TMEM163: variants seen among roughly 807,000 people sequenced by gnomAD.
TMEM163 encodes transmembrane protein 163.
TMEM163 carries 17 observed loss-of-function variants against 29.3 expected under a neutral mutation model. That is an observed-to-expected ratio of 0.58 (90% CI 0.40 to 0.87). The LOEUF is 0.87. TMEM163 is among the 40% of genes least tolerant of loss of function. The probability of loss-of-function intolerance (pLI) is 0.00; values close to 1 mark genes in which losing one functional copy is unlikely to be tolerated. For missense variants in TMEM163, 303 were observed against 381.5 expected (o/e 0.79, Z 1.71); for synonymous variants, 157 against 160.6 (o/e 0.98, Z 0.17).
intron 4 of TMEM163, among the ~76,000 whole-genome samples, chr2:134,508,909 C>T (rs1336535176): frequency 1.3e-5 from 2 of 152,214 alleles, no homozygotes; most frequent in Non-Finnish European, 2.9e-5. Context: ...TCCCTACCCT[C>T]TCCATGGTAA....
intron 2 of TMEM163, among the ~76,000 whole-genome samples, chr2:134,656,437 G>A (rs1215730786): frequency 2.6e-5 from 4 of 151,848 alleles, no homozygotes; most frequent in Non-Finnish European, 4.4e-5. Context: ...ACTGGCCTGC[G>A]CCCACTGTCT....
At chr2:134,504,570 C>A (rs1427198070) in intron 4 of TMEM163, among the ~76,000 whole-genome samples, 1 of 152,104 alleles carries the variant, frequency 6.6e-6, no homozygotes, top group African/African-American at 2.4e-5. Flanking sequence ...ACTTGCCACA[C>A]CCCCAGGGTG....
chr2:134,700,485 A>G (rs1684675605), intron 2 of TMEM163, among the ~76,000 whole-genome samples: 2 of 152,172 alleles, frequency 1.3e-5, no homozygotes, highest in African/African-American at 4.8e-5. Flanking sequence ...TTCACATACT[A>G]TATTTTTCAT....
intron 1 of TMEM163, among the ~76,000 whole-genome samples, chr2:134,716,191 T>C (rs1283225659): frequency 6.6e-6 from 1 of 152,194 alleles, no homozygotes; most frequent in Non-Finnish European, 1.5e-5. Flanking sequence ...AAAATACTTG[T>C]AGGGAGAAGA....
intron 2 of TMEM163, among the ~76,000 whole-genome samples, chr2:134,591,922 AAC>A (rs1491070113): frequency 7.3e-4 from 111 of 151,788 alleles, no homozygotes; most frequent in Admixed American, 1.4e-3. Flanking sequence ...AAAAAAAAAA[AAC>A]AACCTGTAAA....
At chr2:134,574,171 C>A (rs144764627) in intron 2 of TMEM163, among the ~76,000 whole-genome samples, 3 of 152,126 alleles carry the variant, frequency 2.0e-5, no homozygotes, top group African/African-American at 4.8e-5. Flanking sequence ...GGCAACAGAG[C>A]GGGTGCATAC....
intron 2 of TMEM163, among the ~76,000 whole-genome samples, chr2:134,686,422 C>T (rs1684353558): frequency 6.6e-6 from 1 of 152,058 alleles, no homozygotes; most frequent in African/African-American, 2.4e-5. Context: ...GGGGCAGAAC[C>T]CCAGTCAAAA....
chr2:134,542,405 AGCTTCGTACGGCT>A (rs1368707015), intron 4 of TMEM163, among the ~76,000 whole-genome samples: 1 of 152,182 alleles, frequency 6.6e-6, no homozygotes, highest in Non-Finnish European at 1.5e-5. Context: ...GGACCACATT[AGCTTCGTACGGCT>A]GCCACAATAC....
At chr2:134,629,266 C>T (rs1682918780) in intron 2 of TMEM163, among the ~76,000 whole-genome samples, 1 of 152,192 alleles carries the variant, frequency 6.6e-6, no homozygotes, top group Non-Finnish European at 1.5e-5. Flanking sequence ...TTAAGCAATG[C>T]ACTATGCTGC....
At chr2:134,598,261 CT>C (rs1410958506) in intron 2 of TMEM163, among the ~76,000 whole-genome samples, 1 of 152,158 alleles carries the variant, frequency 6.6e-6, no homozygotes, top group Non-Finnish European at 1.5e-5. Context: ...ATTTCACCAG[CT>C]TTTAGCCAAG....
chr2:134,614,076 A>G lies in TMEM163; in HGVS notation c.323-61985T>C, dbSNP rs140288447. Among the ~76,000 whole-genome samples the G allele has an allele frequency of 7.2e-5, 11 of 152,330 alleles. No individual in the cohort carries two copies. In the East Asian group the frequency reaches 1.9e-3, roughly 27 times the overall value. On this transcript the variant is annotated intron_variant, in intron 2 of 7. Transcript: ENST00000281924. The stretch of plus-strand genomic sequence containing the variant: ...ATCACTTTTCCTAATGTTAAGGCTT[A>G]TTATAGAGCTATGGTAATCAACACA...
intron 2 of TMEM163, among the ~76,000 whole-genome samples, chr2:134,578,100 T>C (rs999853181): frequency 9.2e-5 from 14 of 152,252 alleles, no homozygotes; most frequent in Admixed American, 7.2e-4. Flanking sequence ...AACCCTCCAA[T>C]TTTCCTATTT....
intron 5 of TMEM163, among the ~76,000 whole-genome samples, chr2:134,475,347 C>A (rs1276007107): frequency 6.6e-6 from 1 of 152,042 alleles, no homozygotes; most frequent in African/African-American, 2.4e-5. Flanking sequence ...CCTTATTTCA[C>A]ACTATATATA....
chr2:134,599,901 G>A (rs1009583866), intron 2 of TMEM163, among the ~76,000 whole-genome samples: 1 of 151,904 alleles, frequency 6.6e-6, no homozygotes, highest in Non-Finnish European at 1.5e-5. Flanking sequence ...CAATTTCTGT[G>A]TGTAGATGTG....
chr2:134,594,988 A>C (rs1235506138), intron 2 of TMEM163, among the ~76,000 whole-genome samples: 1 of 152,142 alleles, frequency 6.6e-6, no homozygotes, highest in Non-Finnish European at 1.5e-5. Context: ...ACAACAACAA[A>C]AAAAGATGGA....
intron 2 of TMEM163, among the ~76,000 whole-genome samples, chr2:134,600,890 T>C (rs2104809844): frequency 6.6e-6 from 1 of 152,200 alleles, no homozygotes; most frequent in South Asian, 2.1e-4. Context: ...GGCACTACAT[T>C]TGCCCCATGA....
intron 2 of TMEM163, among the ~76,000 whole-genome samples, chr2:134,644,910 A>G (rs1176626443): frequency 1.3e-5 from 2 of 152,230 alleles, no homozygotes; most frequent in Non-Finnish European, 2.9e-5. Flanking sequence ...AAACTGTCAA[A>G]ACTCAACTGT....
At chr2:134,597,243 T>C (rs968257383) in intron 2 of TMEM163, among the ~76,000 whole-genome samples, 2 of 152,242 alleles carry the variant, frequency 1.3e-5, no homozygotes, top group African/African-American at 4.8e-5. Flanking sequence ...TGATATTGGC[T>C]GTGGGTTTGT....
rs190052648 is a variant in TMEM163 at position 134,529,190 on chromosome 2, G to A, written c.458+21380C>T. ...TACTAAAAATAAAAAAATTAGCTGC[G>A]CCTGGTGGTGCATGTCTGTAATCCC... On this transcript the variant is annotated intron_variant, in intron 4 of 7. Coordinates refer to ENST00000281924, the MANE Select transcript of TMEM163 (RefSeq NM_030923.5). 7.2e-3 allele frequency among the ~76,000 whole-genome samples: 1,094 copies of A among 151,688 alleles called. 5 individuals carry two copies. Among genetic ancestry groups the A allele is most frequent in the South Asian group, 0.012 (59 of 4,774 alleles).
Sources: allele counts gnomAD v4.1 joint callset (sites outside exome capture counted in the v4.1 genomes callset), GRCh38; gene constraint gnomAD v4.1.1; transcripts MANE v1.5; gene names NCBI Gene and HGNC (gene_info 2026-07-23, HGNC 2026-07-21).